ACSF2: variants seen among roughly 807,000 people sequenced by gnomAD.
The protein encoded by ACSF2 is medium-chain acyl-CoA ligase ACSF2, mitochondrial.
ACSF2 carries 52 observed loss-of-function variants against 79.3 expected under a neutral mutation model. That is an observed-to-expected ratio of 0.66 (90% CI 0.53 to 0.83). ACSF2 has a LOEUF of 0.83. Among genes scored for constraint, ACSF2 ranks in the 40% least tolerant of loss-of-function variants. The pLI is 0.00. For synonymous variants in ACSF2, 283 were observed against 312.6 expected, an observed-to-expected ratio of 0.91 and a Z score of 1.00; for missense variants, 661 against 803.3, an observed-to-expected ratio of 0.82 and a Z score of 2.14.
At chr17:50,433,445 T>C (rs867547979) in intron 1 of ACSF2, among the ~76,000 whole-genome samples, 20 of 152,246 alleles carry the variant, frequency 1.3e-4, no homozygotes, top group Middle Eastern at 6.8e-3. Context: ...CAAACCACCA[T>C]GTGCACCTGG....
chr17:50,437,655 C>CAAA, intron 1 of ACSF2, among the ~76,000 whole-genome samples: 1 of 139,698 alleles, frequency 7.2e-6, no homozygotes, highest in Admixed American at 7.2e-5. Flanking sequence ...GACCCTGTCT[C>CAAA]AAAAAAAAAA....
intron 1 of ACSF2, among the ~76,000 whole-genome samples, chr17:50,436,225 G>A (rs1318635560): frequency 6.6e-6 from 1 of 151,038 alleles, no homozygotes; most frequent in African/African-American, 2.4e-5. Flanking sequence ...CGCCTACCGG[G>A]TTCACGCCAT....
At position 50,474,712 on chromosome 17, in the gene ACSF2, G is replaced by A. The variant is rs182026193; in HGVS notation, c.*160G>A. On this transcript the variant is annotated 3_prime_UTR_variant, in exon 16 of 16. Transcript: ENST00000300441. This position sits in a 1 kb window ranked among gnomAD's most constrained non-coding sequence, Gnocchi z 4.2. Reference sequence around the variant, plus strand: ...GAACTAAGAGCTCCTGGATGGGTCCGGGAACTCGCCTGGGCACAAGGTGCC... The same window carrying A: ...GAACTAAGAGCTCCTGGATGGGTCCAGGAACTCGCCTGGGCACAAGGTGCC... The A allele has an allele frequency of 6.1e-5, 47 of 772,752 alleles. No individual in the cohort carries two copies. The highest frequency in any genetic ancestry group is 3.5e-4 in the African/African-American group (20 of 57,100). 47.9% of individuals were successfully genotyped at this position (772,752 alleles called of 1,614,324 possible).
chr17:50,428,357 G>A (rs779558521), intron 1 of ACSF2, among the ~76,000 whole-genome samples: 9 of 152,100 alleles, frequency 5.9e-5, no homozygotes, highest in Non-Finnish European at 1.3e-4. Context: ...GCATGTGCCT[G>A]TAATACCAGC....
intron 1 of ACSF2, among the ~76,000 whole-genome samples, chr17:50,459,692 C>T (rs1021923837): frequency 2.0e-5 from 3 of 152,156 alleles, no homozygotes; most frequent in African/African-American, 7.2e-5. Context: ...CCTGAAAGGC[C>T]GATGGAGAAA....
At chr17:50,468,553 G>T (rs373121361) in intron 10 of ACSF2, 14 of 1,614,144 alleles carry the variant, frequency 8.7e-6, no homozygotes, top group Non-Finnish European at 1.2e-5. Flanking sequence ...CCACCTCGCG[G>T]ATCTGGCAGT....
In ACSF2 at chr17:50,463,067, G is replaced by C. The variant is rs2032447477; in HGVS notation, c.793-89G>C. Reference sequence around the variant, plus strand: ...TCTGGGGCAACAATCCCTGTCTCCTGATTCCCGGTCCCGTGCTCTTCAAGG... The same window carrying C: ...TCTGGGGCAACAATCCCTGTCTCCTCATTCCCGGTCCCGTGCTCTTCAAGG... On this transcript the variant is annotated intron_variant, in intron 6 of 15. Coordinates refer to ENST00000300441, the MANE Select transcript of ACSF2 (RefSeq NM_025149.6). The surrounding 1 kb of genome is among the most constrained non-coding windows in gnomAD (Gnocchi z 4.6). 1 of 1,081,524 alleles carries C rather than the reference G, an allele frequency of 9.2e-7. No individual in the cohort carries two copies. Among genetic ancestry groups the C allele is most frequent in the Admixed American group, 2.0e-5 (1 of 49,610 alleles). The allele number at this position is 1,081,524 out of a possible 1,614,324, so 67.0% of individuals were successfully genotyped here.
chr17:50,466,073 CTTTTTTT>C (rs10707664), intron 10 of ACSF2, among the ~76,000 whole-genome samples: 1 of 120,028 alleles, frequency 8.3e-6, no homozygotes, highest in Non-Finnish European at 1.7e-5. Context: ...GTGTTATTTT[CTTTTTTT>C]TTTTTTTTTC....
At chr17:50,469,059 G>A (rs556246416) in intron 10 of ACSF2, 6 of 1,296,908 alleles carry the variant, frequency 4.6e-6, no homozygotes, top group African/African-American at 1.6e-5. Context: ...CCGTGCATGA[G>A]GGGGTGGGAC....
In ACSF2 at chr17:50,462,474, G is replaced by T; in HGVS notation, c.681G>T (p.Leu227=). Reference sequence around the variant, plus strand: ...TGGATGCCCCTTTGCCGGGGACCCTGCTCCTGGATGAAGTGGTGGCGGCTG... The same window carrying T: ...TGGATGCCCCTTTGCCGGGGACCCTTCTCCTGGATGAAGTGGTGGCGGCTG... ...ISVDAPLPGT[L]LLDEVVAAGS... is the part of the protein sequence containing the mutation. The change falls in exon 6 of 16, where the codon CTG becomes CTT. Residue 227 remains leucine (L), a synonymous_variant. Coordinates refer to ENST00000300441, the MANE Select transcript of ACSF2 (RefSeq NM_025149.6). The T allele has an allele frequency of 6.2e-7, 1 of 1,613,552 alleles. No homozygotes were observed. Among genetic ancestry groups the T allele is most frequent in the Non-Finnish European group, 8.5e-7 (1 of 1,179,920 alleles).
At chr17:50,468,189 T>C in intron 10 of ACSF2, 1 of 1,614,064 alleles carries the variant, frequency 6.2e-7, no homozygotes. Flanking sequence ...GAGGGGTAGC[T>C]GGACAGCTGG....
chr17:50,431,724 C>T (rs189334323), intron 1 of ACSF2, among the ~76,000 whole-genome samples: 1 of 152,114 alleles, frequency 6.6e-6, no homozygotes, highest in African/African-American at 2.4e-5. Context: ...CAAACCCCTG[C>T]CTCAAGCCAT....
At chr17:50,465,179 T>TA in intron 10 of ACSF2, 1 of 1,268,556 alleles carries the variant, frequency 7.9e-7, no homozygotes, top group Non-Finnish European at 1.1e-6. Flanking sequence ...CCTCTCTCTG[T>TA]AAAAATGGAG....
At chr17:50,464,375 G>C in intron 10 of ACSF2, 81 bp downstream of exon 10, 2 of 1,402,802 alleles carry the variant, frequency 1.4e-6, no homozygotes. Flanking sequence ...GATGAGTCCA[G>C]GCCAGATGTT....
At chr17:50,443,949 A>G (rs1229269474) in intron 1 of ACSF2, among the ~76,000 whole-genome samples, 2 of 152,096 alleles carry the variant, frequency 1.3e-5, no homozygotes, top group Non-Finnish European at 2.9e-5. Context: ...ACATGAACCT[A>G]CTTGGGTTAC....
chr17:50,433,935 T>C (rs1169979554), intron 1 of ACSF2, among the ~76,000 whole-genome samples: 1 of 151,930 alleles, frequency 6.6e-6, no homozygotes, highest in African/African-American at 2.4e-5. Context: ...TTCTATGTCT[T>C]CTTGAGAGAG....
At chr17:50,464,091 C>T in intron 9 of ACSF2, 127 bp from the exon 10 acceptor site, 1 of 1,262,896 alleles carries the variant, frequency 7.9e-7, no homozygotes, top group Non-Finnish European at 1.1e-6. Flanking sequence ...GGCCAGCTGC[C>T]AGGTGTAGGA....
intron 10 of ACSF2, chr17:50,465,498 G>A: frequency 6.3e-7 from 1 of 1,592,794 alleles, no homozygotes; most frequent in Non-Finnish European, 8.6e-7. Context: ...GGGGGGAAGG[G>A]CAGTGAACTA....
chr17:50,448,101 ACAT>A (rs2031417259), intron 1 of ACSF2, among the ~76,000 whole-genome samples: 4 of 152,148 alleles, frequency 2.6e-5, no homozygotes, highest in Non-Finnish European at 5.9e-5. Context: ...CATTGTGCAA[ACAT>A]CATCAAGTGC....
Sources: allele counts gnomAD v4.1 joint callset (sites outside exome capture counted in the v4.1 genomes callset), GRCh38; gene constraint gnomAD v4.1.1; non-coding constraint Gnocchi (gnomAD v3.1); transcripts MANE v1.5; gene names NCBI Gene and HGNC (gene_info 2026-07-23, HGNC 2026-07-21).